Variants in TTC7B observed in about 807,000 individuals in gnomAD.
TTC7B encodes tetratricopeptide repeat protein 7B.
TTC7B carries 28 observed loss-of-function variants against 106.8 expected under a neutral mutation model. The observed-to-expected ratio is 0.26, with a 90% CI of 0.19 to 0.36. The LOEUF (loss-of-function observed/expected upper bound fraction) is 0.36. Ranked by LOEUF, TTC7B falls within the 10% of genes least tolerant of loss-of-function variation. TTC7B has a pLI of 1.00. For synonymous variants in TTC7B, 405 were observed against 430.6 expected (o/e 0.94, Z 0.74); for missense variants, 862 against 1,076.4 (o/e 0.80, Z 2.79).
At chr14:90,675,673 G>A (rs1231174356) in intron 9 of TTC7B, among the ~76,000 whole-genome samples, 1 of 152,188 alleles carries the variant, frequency 6.6e-6, no homozygotes, top group African/African-American at 2.4e-5. Context: ...GGTGAGTCGG[G>A]CACTTATCTG....
At chr14:90,643,834 C>T (rs1885302350) in intron 15 of TTC7B, among the ~76,000 whole-genome samples, 2 of 152,120 alleles carry the variant, frequency 1.3e-5, no homozygotes, top group Admixed American at 6.5e-5. Context: ...CCACCCACCT[C>T]GGCCTCCCAA....
chr14:90,616,453 G>A (rs12588994), intron 16 of TTC7B, among the ~76,000 whole-genome samples: 2,135 of 148,404 alleles, frequency 0.014, 97 homozygotes, highest in East Asian at 0.14. Context: ...GGGCGGGTGC[G>A]CCCAGCAGCA....
intron 15 of TTC7B, among the ~76,000 whole-genome samples, chr14:90,622,787 A>C (rs1407184299): frequency 6.6e-6 from 1 of 152,080 alleles, no homozygotes; most frequent in African/African-American, 2.4e-5. Flanking sequence ...ACTTACAGAA[A>C]ATTAATGAAG....
At chr14:90,591,352 A>G (rs1280953694) in intron 18 of TTC7B, among the ~76,000 whole-genome samples, 1 of 152,218 alleles carries the variant, frequency 6.6e-6, no homozygotes, top group Non-Finnish European at 1.5e-5. Context: ...CCGAAAAAAT[A>G]AAATGAAAGG....
intron 1 of TTC7B, among the ~76,000 whole-genome samples, chr14:90,809,034 A>G (rs2030755721): frequency 6.6e-6 from 1 of 152,226 alleles, no homozygotes; most frequent in South Asian, 2.1e-4. Flanking sequence ...CAGGAAGTCC[A>G]GAGAAGGGCT....
In TTC7B at chr14:90,525,651, T is replaced by C. The variant is rs1889131751; in HGVS notation, c.*15717A>G. ...GTTTCGAGCGGCGGATCTGCTCCTA[T>C]AGATGTCCAGATTGTTAGACGGTGG... On this transcript the variant is annotated 3_prime_UTR_variant, in exon 20 of 20. Transcript: ENST00000328459. 2.0e-5 allele frequency: 3 copies of C among 150,266 alleles called. No individual in the cohort carries two copies. Among genetic ancestry groups the C allele is most frequent in the Non-Finnish European group, 4.4e-5 (3 of 67,630 alleles). The allele number at this position is 150,266 out of a possible 1,614,324, so 9.3% of individuals were successfully genotyped here. A position where few individuals can be genotyped will look rare whatever the true frequency, so the allele number is the denominator to read the frequency against.
At chr14:90,719,959 C>T (rs1226466892) in intron 5 of TTC7B, among the ~76,000 whole-genome samples, 1 of 151,972 alleles carries the variant, frequency 6.6e-6, no homozygotes, top group African/African-American at 2.4e-5. Context: ...CCCAGGATGA[C>T]TTTGAATGCT....
At chr14:90,564,857 G>A (rs1306616214) in intron 19 of TTC7B, among the ~76,000 whole-genome samples, 2 of 152,212 alleles carry the variant, frequency 1.3e-5, no homozygotes, top group African/African-American at 2.4e-5. Context: ...GCTGCAGTGA[G>A]CTATGACTGC....
intron 5 of TTC7B, among the ~76,000 whole-genome samples, chr14:90,725,676 C>G (rs1012361888): frequency 2.0e-5 from 3 of 152,186 alleles, no homozygotes; most frequent in African/African-American, 7.2e-5. Context: ...GAGTCAAGGC[C>G]TCCCATGCAG....
chr14:90,694,850 A>G (rs1595290080), intron 6 of TTC7B, among the ~76,000 whole-genome samples: 2 of 137,768 alleles, frequency 1.5e-5, no homozygotes, highest in African/African-American at 5.2e-5. Flanking sequence ...CATACAATAT[A>G]TGTGACATAT....
intron 17 of TTC7B, chr14:90,605,722 C>G (rs1056405768): frequency 5.1e-5 from 65 of 1,282,512 alleles, no homozygotes; most frequent in Non-Finnish European, 6.4e-5. Context: ...AGATTCGGTT[C>G]TTGAAAGAGG....
chr14:90,809,194 G>C (rs968063591), intron 1 of TTC7B, among the ~76,000 whole-genome samples: 1 of 152,200 alleles, frequency 6.6e-6, no homozygotes, highest in Non-Finnish European at 1.5e-5. Context: ...AGGCCTCAAA[G>C]ATATGAACGA....
intron 4 of TTC7B, among the ~76,000 whole-genome samples, chr14:90,736,893 TAAAAAAA>T (rs58051350): frequency 3.3e-5 from 3 of 91,910 alleles, no homozygotes; most frequent in Non-Finnish European, 6.1e-5. Context: ...CCATGTCTCT[TAAAAAAA>T]AAAAAAAAAA....
At chr14:90,621,455 A>G (rs879577643) in intron 15 of TTC7B, among the ~76,000 whole-genome samples, 104 of 151,886 alleles carry the variant, frequency 6.8e-4, no homozygotes, top group Non-Finnish European at 1.3e-3. Context: ...TACGGCCGGG[A>G]CAAGTGGCAG....
At chr14:90,788,300 A>G (rs1891458983) in intron 1 of TTC7B, among the ~76,000 whole-genome samples, 1 of 152,210 alleles carries the variant, frequency 6.6e-6, no homozygotes, top group Non-Finnish European at 1.5e-5. Flanking sequence ...CCAGGCACCA[A>G]GGCAACAAGC....
At position 90,794,207 on chromosome 14, in the gene TTC7B, ATTTCTTTTTTTTTTT is replaced by A. The variant is rs1227916179; in HGVS notation, c.122-7894_122-7880del. 1.1e-3 allele frequency among the ~76,000 whole-genome samples: 149 copies of A among 130,604 alleles called. 5 individuals are homozygous for A. Among genetic ancestry groups the A allele is most frequent in the East Asian group, 5.7e-3 (24 of 4,232 alleles). 85.7% of individuals were successfully genotyped at this position (130,604 alleles called of 152,430 possible). A position where few individuals can be genotyped will look rare whatever the true frequency, so the allele number is the denominator to read the frequency against. On this transcript the variant is annotated intron_variant, in intron 1 of 19. Transcript: ENST00000328459. ...TGTGAGCCACTGCACCTGGCTGGGT[ATTTCTTTTTTTTTTT>A]TTTTTTTTTTTTTTTGAGACGGAGT...
At chr14:90,658,948 G>A (rs192337074) in intron 9 of TTC7B, among the ~76,000 whole-genome samples, 61 of 152,352 alleles carry the variant, frequency 4.0e-4, no homozygotes, top group African/African-American at 1.5e-3. Flanking sequence ...ACATGATGAC[G>A]TTAGAGCTTT....
rs140304341 is a variant in TTC7B, at chr14:90,777,745, G to A, written c.445+2993C>T. On this transcript the variant is annotated intron_variant, in intron 3 of 19. Transcript: ENST00000328459. ...TTCCTACACAGAGCTAGGACTGAGGGCCTCTTGAACTCCTCAGAGAGCAGG... is the reference window on the plus strand; with the variant it reads ...TTCCTACACAGAGCTAGGACTGAGGACCTCTTGAACTCCTCAGAGAGCAGG... Among the ~76,000 whole-genome samples, 47 of 152,292 alleles carry A rather than the reference G, an allele frequency of 3.1e-4. 1 individual carries two copies. The East Asian group carries it at 8.9e-3, about 29-fold the overall frequency.
At chr14:90,660,395 CAAAAAAAAAAAAAAA>C (rs57030874) in intron 9 of TTC7B, among the ~76,000 whole-genome samples, 5 of 40,892 alleles carry the variant, frequency 1.2e-4, no homozygotes, top group Non-Finnish European at 1.3e-4. Flanking sequence ...CACCCTGTCT[CAAAAAAAAAAAAAAA>C]AAAAAAAAAA....
Sources: gnomAD v4.1 joint callset for allele counts (sites outside exome capture counted in the v4.1 genomes callset) on GRCh38, gnomAD v4.1.1 for gene constraint, MANE v1.5 for transcripts, NCBI Gene and HGNC (gene_info 2026-07-23, HGNC 2026-07-21) for gene names.